The following POU2F1 variants were observed in gnomAD, a reference collection of about 807,000 sequenced individuals.
POU2F1 encodes the protein POU domain, class 2, transcription factor 1.
A neutral mutation model predicts 84.9 loss-of-function variants in POU2F1; 16 were observed. The ratio of observed to expected loss-of-function variants is 0.19; its 90% confidence interval spans 0.13 to 0.29. POU2F1 has a LOEUF of 0.29. Among genes scored for constraint, POU2F1 ranks in the 10% least tolerant of loss-of-function variants. POU2F1 has a pLI of 1.00. For missense variants in POU2F1, 738 were observed against 942.6 expected, an observed-to-expected ratio of 0.78 and a Z score of 2.84; for synonymous variants, 368 against 368.3, an observed-to-expected ratio of 1.00 and a Z score of 0.01.
chr1:167,308,131 A>G lies in POU2F1; in HGVS notation c.62-24339A>G, dbSNP rs189824819. 5.0e-3 allele frequency among the ~76,000 whole-genome samples: 752 copies of G among 151,470 alleles called. 6 individuals are homozygous for G. Among genetic ancestry groups the G allele is most frequent in the African/African-American group, 0.017 (708 of 41,244 alleles). On this transcript the variant is annotated intron_variant, in intron 1 of 15. Coordinates refer to ENST00000367866, the MANE Select transcript of POU2F1 (RefSeq NM_002697.4). ...ACCCAGGCTGGAGTGCAGTGATGCA[A>G]TCTCGGCTCACTGCAGCCTCTGCCG...
At position 167,426,669 on chromosome 1, in the gene POU2F1, G is replaced by C. The variant is rs1337976882; in HGVS notation, c.*10859G>C. 6.6e-6 allele frequency: 1 copy of C among 152,102 alleles called. No individual in the cohort carries two copies. The highest frequency in any genetic ancestry group is 1.9e-4 in the East Asian group (1 of 5,196). 9.4% of individuals were successfully genotyped at this position (152,102 alleles called of 1,614,324 possible). A position where few individuals can be genotyped will look rare whatever the true frequency, so the allele number is the denominator to read the frequency against. ...TTTGTCCACTGTTGTCAAAGGAGGG[G>C]CACAAGGGGAATTGGCCCCCGGCCT... On this transcript the variant is annotated 3_prime_UTR_variant, in exon 16 of 16. Transcript: ENST00000367866.
intron 8 of POU2F1, among the ~76,000 whole-genome samples, chr1:167,388,365 C>T (rs1034821437): frequency 1.3e-5 from 2 of 152,014 alleles, no homozygotes; most frequent in African/African-American, 4.8e-5. Context: ...TGGGAACCAA[C>T]GTTATGATAT....
intron 2 of POU2F1, among the ~76,000 whole-genome samples, chr1:167,342,316 A>G (rs551939251): frequency 6.6e-6 from 1 of 152,286 alleles, no homozygotes; most frequent in South Asian, 2.1e-4. Flanking sequence ...ATGTAACCTA[A>G]TATACATAAA....
Position 167,383,843 on chromosome 1 carries a change from T to C in POU2F1, c.719-14T>C, listed in dbSNP as rs193146656. On this transcript the variant is annotated splice_polypyrimidine_tract_variant and intron_variant, in intron 7 of 15. Coordinates refer to ENST00000367866, the MANE Select transcript of POU2F1 (RefSeq NM_002697.4). ...ATCTTTAATGTTTCTGGATAACATG[T>C]TTTTCTTCTACAGGTCTCCTGCAAG... 501 of 1,600,192 alleles carry C rather than the reference T, an allele frequency of 3.1e-4. No individual in the cohort carries two copies. The highest frequency in any genetic ancestry group is 1.0e-3 in the Admixed American group (59 of 58,262).
At chr1:167,357,389 G>A (rs1232816220) in intron 2 of POU2F1, 4 of 27,038 alleles carry the variant, frequency 1.5e-4, no homozygotes, top group Non-Finnish European at 1.4e-4. Context: ...ACCCCCCCCC[G>A]CTTCTTTGTG....
At chr1:167,291,408 AAGGAAAAAC>A (rs2102533998) in intron 1 of POU2F1, among the ~76,000 whole-genome samples, 1 of 152,330 alleles carries the variant, frequency 6.6e-6, no homozygotes, top group East Asian at 1.9e-4. Flanking sequence ...GTGAAGTGAT[AAGGAAAAAC>A]CCTGGGAAAG....
At chr1:167,332,633 A>G in intron 2 of POU2F1, 98 bp downstream of exon 2, 1 of 887,528 alleles carries the variant, frequency 1.1e-6, no homozygotes, top group Non-Finnish European at 1.8e-6. Flanking sequence ...AATACAGACC[A>G]ATTTGAGTAT....
chr1:167,284,501 C>T (rs1653381762), intron 1 of POU2F1, among the ~76,000 whole-genome samples: 1 of 152,184 alleles, frequency 6.6e-6, no homozygotes, highest in Admixed American at 6.5e-5. Context: ...ATGATCAAGA[C>T]TTAAAATCTA....
chr1:167,234,118 A>C (rs760844490), intron 1 of POU2F1, among the ~76,000 whole-genome samples: 2 of 152,214 alleles, frequency 1.3e-5, no homozygotes, highest in Non-Finnish European at 2.9e-5. Context: ...AGGCCAGTGG[A>C]ATGATGAAGC....
chr1:167,341,453 A>G (rs1051052553), intron 2 of POU2F1, among the ~76,000 whole-genome samples: 8 of 152,260 alleles, frequency 5.3e-5, no homozygotes, highest in Admixed American at 5.2e-4. Context: ...AGGCTTCCCT[A>G]TCCTGTCCTT....
At chr1:167,344,725 C>T (rs1355584919) in intron 2 of POU2F1, among the ~76,000 whole-genome samples, 1 of 152,048 alleles carries the variant, frequency 6.6e-6, no homozygotes, top group Non-Finnish European at 1.5e-5. Flanking sequence ...TCAGTGTTAG[C>T]TATCTATTAG....
chr1:167,332,341 A>T, intron 1 of POU2F1, 129 bp from the exon 2 acceptor site: 1 of 613,656 alleles, frequency 1.6e-6, no homozygotes, highest in Non-Finnish European at 2.9e-6. Flanking sequence ...AGACATGTAT[A>T]CACTGGGTCT....
intron 1 of POU2F1, among the ~76,000 whole-genome samples, chr1:167,231,793 G>A (rs1354351501): frequency 6.6e-6 from 1 of 152,182 alleles, no homozygotes; most frequent in Non-Finnish European, 1.5e-5. Context: ...GAGGATTTGG[G>A]AAGGGGCTCT....
intron 1 of POU2F1, among the ~76,000 whole-genome samples, chr1:167,315,705 G>A (rs946038912): frequency 3.3e-5 from 5 of 151,898 alleles, no homozygotes; most frequent in African/African-American, 1.2e-4. Context: ...TTGGGAGGCT[G>A]AGGCGAGATG....
intron 7 of POU2F1, among the ~76,000 whole-genome samples, chr1:167,376,970 C>G (rs938887606): frequency 6.6e-6 from 1 of 152,052 alleles, no homozygotes; most frequent in African/African-American, 2.4e-5. Flanking sequence ...GCAAAGAGAC[C>G]CCTGTAACTT....
intron 13 of POU2F1, among the ~76,000 whole-genome samples, chr1:167,410,243 G>T (rs1482164157): frequency 2.0e-5 from 3 of 152,072 alleles, no homozygotes; most frequent in Non-Finnish European, 4.4e-5. Context: ...CATTCATTTG[G>T]CAGCCACTTT....
chr1:167,332,639 A>C, intron 2 of POU2F1, 104 bp downstream of exon 2: 4 of 816,564 alleles, frequency 4.9e-6, no homozygotes, highest in South Asian at 3.5e-5. Context: ...GACCAATTTG[A>C]GTATTGAGTT....
Position 167,416,172 on chromosome 1 carries a change from G to C in POU2F1, c.*362G>C. 1 of 370,556 alleles carries C rather than the reference G, an allele frequency of 2.7e-6. No individual in the cohort carries two copies. The highest frequency in any genetic ancestry group is 2.3e-5 in the South Asian group (1 of 43,070). The allele number at this position is 370,556 out of a possible 1,614,324, so 23.0% of individuals were successfully genotyped here. ...ACTACTTATCATTTCCAGCAGTCAT[G>C]ATGACAAGTTAAGGTGGGTTACCAA... On this transcript the variant is annotated 3_prime_UTR_variant, in exon 16 of 16. Coordinates refer to ENST00000367866, the MANE Select transcript of POU2F1 (RefSeq NM_002697.4).
intron 1 of POU2F1, 70 bp from the exon 2 acceptor site, chr1:167,332,400 G>GTT: frequency 4.2e-6 from 5 of 1,194,748 alleles, no homozygotes; most frequent in Non-Finnish European, 5.0e-6. Context: ...CTCTGCCACA[G>GTT]TTTTGCCTCC....
Sources: allele counts gnomAD v4.1 joint callset (sites outside exome capture counted in the v4.1 genomes callset), GRCh38; gene constraint gnomAD v4.1.1; transcripts MANE v1.5; gene names NCBI Gene and HGNC (gene_info 2026-07-23, HGNC 2026-07-21).